PDZRN4: variants seen among roughly 807,000 people sequenced by gnomAD.
PDZRN4 encodes PDZ domain containing ring finger 4, also known as PDZ domain-containing RING finger protein 4.
Under a neutral mutation model 99.0 loss-of-function variants are expected in PDZRN4, and 70 were observed. The ratio of observed to expected loss-of-function variants is 0.71; its 90% CI spans 0.58 to 0.86. The LOEUF (loss-of-function observed/expected upper bound fraction) is 0.86, where lower values mean the gene tolerates loss of function less well. Ranked by LOEUF, PDZRN4 falls within the 40% of genes least tolerant of loss-of-function variation. PDZRN4 has a pLI of 0.00. For synonymous variants in PDZRN4, 551 were observed against 501.6 expected (o/e 1.10, Z -1.32); for missense variants, 1,474 against 1,331.2 (o/e 1.11, Z -1.67).
At chr12:41,315,233 A>G (rs1951630687) in intron 3 of PDZRN4, among the ~76,000 whole-genome samples, 1 of 152,186 alleles carries the variant, frequency 6.6e-6, no homozygotes, top group Admixed American at 6.6e-5. Flanking sequence ...GTTCTTATGC[A>G]TGCCTACTTC....
At chr12:41,408,776 C>CTG (rs1190961037) in intron 3 of PDZRN4, among the ~76,000 whole-genome samples, 1 of 151,618 alleles carries the variant, frequency 6.6e-6, no homozygotes, top group Non-Finnish European at 1.5e-5. Context: ...CTCTCTCTCT[C>CTG]TCTGTCTTCT....
intron 3 of PDZRN4, among the ~76,000 whole-genome samples, chr12:41,385,948 A>G (rs1344459652): frequency 6.6e-6 from 1 of 152,200 alleles, no homozygotes; most frequent in Non-Finnish European, 1.5e-5. Context: ...CGAGCTGCAC[A>G]CCAAAAAGCT....
At chr12:41,423,979 T>C (rs1429155831) in intron 3 of PDZRN4, among the ~76,000 whole-genome samples, 2 of 152,308 alleles carry the variant, frequency 1.3e-5, no homozygotes, top group South Asian at 4.1e-4. Flanking sequence ...TTTAAGCCCA[T>C]GACTGTTGTA....
intron 3 of PDZRN4, among the ~76,000 whole-genome samples, chr12:41,505,189 T>C (rs1773069164): frequency 6.6e-6 from 1 of 152,124 alleles, no homozygotes; most frequent in African/African-American, 2.4e-5. Context: ...TGCTTCTTTT[T>C]TAGGCACCCA....
At chr12:41,466,497 T>C (rs2120551930) in intron 3 of PDZRN4, among the ~76,000 whole-genome samples, 1 of 152,312 alleles carries the variant, frequency 6.6e-6, no homozygotes, top group East Asian at 1.9e-4. Context: ...AAGAGCCCCC[T>C]GTGCCTGCCT....
At chr12:41,556,721 T>A (rs1301508196) in intron 7 of PDZRN4, among the ~76,000 whole-genome samples, 1 of 152,186 alleles carries the variant, frequency 6.6e-6, no homozygotes, top group East Asian at 1.9e-4. Context: ...ATGCAAGAGA[T>A]AGTAAGCAGA....
At chr12:41,232,699 C>T (rs1474560017) in intron 3 of PDZRN4, among the ~76,000 whole-genome samples, 1 of 152,038 alleles carries the variant, frequency 6.6e-6, no homozygotes, top group East Asian at 1.9e-4. Flanking sequence ...TCAATTTTGG[C>T]TTTTGTTGCC....
At chr12:41,476,485 CTT>C (rs1474322327) in intron 3 of PDZRN4, among the ~76,000 whole-genome samples, 2 of 152,034 alleles carry the variant, frequency 1.3e-5, no homozygotes, top group Admixed American at 6.6e-5. Flanking sequence ...AACAGATGAC[CTT>C]TTTGTTTGAT....
chr12:41,222,673 C>T (rs944917776), intron 3 of PDZRN4, among the ~76,000 whole-genome samples: 4 of 152,048 alleles, frequency 2.6e-5, no homozygotes, highest in African/African-American at 9.7e-5. Flanking sequence ...TACAGGTGCA[C>T]ACCACCATGC....
intron 3 of PDZRN4, among the ~76,000 whole-genome samples, chr12:41,298,667 C>G (rs1951511256): frequency 6.6e-6 from 1 of 152,018 alleles, no homozygotes; most frequent in Non-Finnish European, 1.5e-5. Context: ...TTTGCTGAAG[C>G]TTATTTTAAA....
At chr12:41,558,248 T>C (rs1349721944) in intron 7 of PDZRN4, among the ~76,000 whole-genome samples, 1 of 152,116 alleles carries the variant, frequency 6.6e-6, no homozygotes, top group African/African-American at 2.4e-5. Flanking sequence ...TATAATAGAG[T>C]AAAATGCTCA....
At chr12:41,233,917 T>C (rs911228058) in intron 3 of PDZRN4, among the ~76,000 whole-genome samples, 1 of 151,852 alleles carries the variant, frequency 6.6e-6, no homozygotes, top group African/African-American at 2.4e-5. Flanking sequence ...TGTGCACATG[T>C]ACCCTAAAAC....
At chr12:41,435,723 G>A (rs1952623576) in intron 3 of PDZRN4, among the ~76,000 whole-genome samples, 4 of 152,130 alleles carry the variant, frequency 2.6e-5, no homozygotes, top group Admixed American at 6.5e-5. Context: ...GGGAGGCAGA[G>A]GTTCCACTGA....
chr12:41,201,626 G>A (rs1346153977), intron 3 of PDZRN4, among the ~76,000 whole-genome samples: 1 of 151,956 alleles, frequency 6.6e-6, no homozygotes, highest in Non-Finnish European at 1.5e-5. Flanking sequence ...AAGGTTTTAG[G>A]CATTATGGTA....
chr12:41,467,936 A>G (rs1239282834), intron 3 of PDZRN4, among the ~76,000 whole-genome samples: 2 of 152,178 alleles, frequency 1.3e-5, no homozygotes, highest in Non-Finnish European at 2.9e-5. Context: ...TACTTATTGC[A>G]TTCCTGCTGT....
intron 3 of PDZRN4, among the ~76,000 whole-genome samples, chr12:41,273,419 A>C (rs1951328713): frequency 6.6e-6 from 1 of 152,126 alleles, no homozygotes; most frequent in Non-Finnish European, 1.5e-5. Context: ...CGCTTAAAGA[A>C]GAAAAATGTA....
intron 3 of PDZRN4, among the ~76,000 whole-genome samples, chr12:41,379,271 G>A (rs1347158743): frequency 7.1e-6 from 1 of 140,750 alleles, no homozygotes; most frequent in African/African-American, 2.6e-5. Context: ...TTTTTGGTTG[G>A]TCTAGGTAAA....
At chr12:41,538,971 C>T (rs1475250320) in intron 5 of PDZRN4, among the ~76,000 whole-genome samples, 1 of 151,986 alleles carries the variant, frequency 6.6e-6, no homozygotes, top group Non-Finnish European at 1.5e-5. Flanking sequence ...TAGATGATAA[C>T]ACAATGTCAC....
chr12:41,562,938 A>G (rs980963620), intron 7 of PDZRN4, among the ~76,000 whole-genome samples: 1 of 152,204 alleles, frequency 6.6e-6, no homozygotes, highest in Non-Finnish European at 1.5e-5. Context: ...GGAAATGGAT[A>G]GATATTAGAA....
Sources: allele counts gnomAD v4.1 joint callset (sites outside exome capture counted in the v4.1 genomes callset), GRCh38; gene constraint gnomAD v4.1.1; transcripts MANE v1.5; gene names NCBI Gene and HGNC (gene_info 2026-07-23, HGNC 2026-07-21).